Variants in UXS1 observed in about 807,000 individuals in gnomAD.
UXS1 encodes the protein UDP-glucuronate decarboxylase 1.
UXS1 carries 33 observed loss-of-function variants against 62.6 expected under a neutral mutation model. That is an observed-to-expected ratio of 0.53 (90% CI 0.40 to 0.70). UXS1 has a LOEUF of 0.70. UXS1 is among the 30% of genes least tolerant of loss of function. The pLI is 0.00. For missense variants in UXS1, 434 were observed against 556.3 expected (o/e 0.78, Z 2.21); for synonymous variants, 213 against 206.8 (o/e 1.03, Z -0.26).
chr2:106,119,705 GCC>G (rs1679366802), intron 9 of UXS1, among the ~76,000 whole-genome samples: 1 of 152,136 alleles, frequency 6.6e-6, no homozygotes, highest in South Asian at 2.1e-4. Flanking sequence ...CCAGTGATTT[GCC>G]CCAGATCAAG....
intron 10 of UXS1, among the ~76,000 whole-genome samples, chr2:106,109,175 T>C (rs1678368971): frequency 6.6e-6 from 1 of 152,070 alleles, no homozygotes; most frequent in Middle Eastern, 3.4e-3. Context: ...ATCCCAGTCT[T>C]TCCCCCCCGA....
At chr2:106,138,860 C>A (rs182485542) in intron 6 of UXS1, 4 of 985,310 alleles carry the variant, frequency 4.1e-6, no homozygotes, top group Non-Finnish European at 4.8e-6. Flanking sequence ...GTAACATTAA[C>A]AATAACTCCA....
intron 7 of UXS1, among the ~76,000 whole-genome samples, chr2:106,128,420 G>A (rs1410779958): frequency 6.6e-6 from 1 of 152,150 alleles, no homozygotes; most frequent in African/African-American, 2.4e-5. Flanking sequence ...ATGTCCGGGG[G>A]TATCTGTGAA....
intron 9 of UXS1, among the ~76,000 whole-genome samples, chr2:106,113,267 G>C (rs762049376): frequency 3.3e-5 from 5 of 152,170 alleles, no homozygotes; most frequent in African/African-American, 9.7e-5. Context: ...CGTTCTTACT[G>C]AGTGAGCTTG....
chr2:106,118,749 A>G (rs896674675), intron 9 of UXS1, among the ~76,000 whole-genome samples: 2 of 152,222 alleles, frequency 1.3e-5, no homozygotes, highest in African/African-American at 4.8e-5. Context: ...GAAACTCAGA[A>G]GAGAATCCTT....
intron 12 of UXS1, 125 bp from the exon 13 acceptor site, chr2:106,098,898 G>T: frequency 1.3e-6 from 1 of 787,160 alleles, no homozygotes; most frequent in Non-Finnish European, 2.1e-6. Flanking sequence ...TGCTTCAGCA[G>T]AGCTCCGTGT....
Position 106,136,924 on chromosome 2 carries a change from A to T in UXS1, c.473-7146T>A, listed in dbSNP as rs181292450. Reference sequence around the variant, plus strand: ...ACTTAAAGTATAATAATAATAATAAAAAAAGAAAAAAAAAAAGAATGGAGA... The same window carrying T: ...ACTTAAAGTATAATAATAATAATAATAAAAGAAAAAAAAAAAGAATGGAGA... On this transcript the variant is annotated intron_variant, in intron 6 of 14. Transcript: ENST00000283148. Among the ~76,000 whole-genome samples the T allele has an allele frequency of 1.3e-3, 183 of 145,920 alleles. 1 individual carries two copies. The highest frequency in any genetic ancestry group is 3.5e-3 in the African/African-American group (139 of 39,756).
chr2:106,129,439 A>G (rs546406572), intron 7 of UXS1, among the ~76,000 whole-genome samples: 1 of 152,324 alleles, frequency 6.6e-6, no homozygotes, highest in East Asian at 1.9e-4. Context: ...CTGCAGCCTG[A>G]TTACTACAAT....
At position 106,155,942 on chromosome 2, in the gene UXS1, T is replaced by C. The variant is rs1053669941; in HGVS notation, c.291+2116A>G. 5.3e-5 allele frequency among the ~76,000 whole-genome samples: 8 copies of C among 152,024 alleles called. 1 individual carries two copies. The highest frequency in any genetic ancestry group is 1.9e-4 in the African/African-American group (8 of 41,394). ...GGCCTAAATTTAAGAACAAAATCTA[T>C]AAAACTCTTAGGAAAAAAACATGGT... is the stretch of plus-strand genomic sequence containing the variant. On this transcript the variant is annotated intron_variant, in intron 5 of 14. Coordinates refer to ENST00000283148, the MANE Select transcript of UXS1 (RefSeq NM_001253875.2).
chr2:106,096,664 C>A lies in UXS1; in HGVS notation c.1146+54G>T. 5.4e-6 allele frequency: 8 copies of A among 1,484,066 alleles called. No homozygotes were observed. The South Asian group carries it at 9.4e-5, about 17-fold the overall frequency. 91.9% of individuals were successfully genotyped at this position (1,484,066 alleles called of 1,614,324 possible). On this transcript the variant is annotated intron_variant, in intron 14 of 14. Transcript: ENST00000283148. ...GGGTCAGTGCCTACAGGACAGCAGA[C>A]ACAGGACACGGGAGGCCCCTCCCCA...
At position 106,124,328 on chromosome 2, in the gene UXS1, G is replaced by A. The variant is rs1486478671; in HGVS notation, c.638-1237C>T. Reference sequence around the variant, plus strand: ...GCCCATCTGTCCCTGGACTGGCACCGTCTGGACTGAAATGCCCAGGATGCC... The same window carrying A: ...GCCCATCTGTCCCTGGACTGGCACCATCTGGACTGAAATGCCCAGGATGCC... On this transcript the variant is annotated intron_variant, in intron 8 of 14. Transcript: ENST00000283148. Among the ~76,000 whole-genome samples, 6 of 152,176 alleles carry A rather than the reference G, an allele frequency of 3.9e-5. No individual in the cohort carries two copies. In the South Asian group the frequency reaches 8.3e-4, roughly 21 times the overall value.
chr2:106,156,470 C>T (rs1322801175), intron 5 of UXS1, among the ~76,000 whole-genome samples: 1 of 152,194 alleles, frequency 6.6e-6, no homozygotes, highest in African/African-American at 2.4e-5. Flanking sequence ...CTCTGGCAAA[C>T]AGCAGTTCCT....
rs549872397 is a variant in UXS1 at position 106,115,334 on chromosome 2, C to A, written c.760-2569G>T. ...CCTCTGAAGGACCAAGAAGCAAACA[C>A]ATTCATGAACCCCTGACTCCCACAC... On this transcript the variant is annotated intron_variant, in intron 9 of 14. Transcript: ENST00000283148. Among the ~76,000 whole-genome samples, 85 of 152,348 alleles carry A rather than the reference C, an allele frequency of 5.6e-4. 1 individual carries two copies. Among genetic ancestry groups the A allele is most frequent in the Non-Finnish European group, 2.9e-5 (2 of 68,032 alleles).
At chr2:106,145,458 T>C in intron 5 of UXS1, 88 bp from the exon 6 acceptor site, 13 of 1,454,932 alleles carry the variant, frequency 8.9e-6, no homozygotes, top group Non-Finnish European at 1.2e-5. Context: ...ACATCTCTGG[T>C]GCAGCCACGA....
intron 13 of UXS1, among the ~76,000 whole-genome samples, chr2:106,098,498 T>A (rs576362947): frequency 9.8e-5 from 15 of 152,346 alleles, no homozygotes; most frequent in African/African-American, 2.9e-4. Context: ...TCCCACTTCA[T>A]GCAAACCTGC....
chr2:106,123,331 A>T (rs899144247), intron 8 of UXS1, among the ~76,000 whole-genome samples: 2 of 152,146 alleles, frequency 1.3e-5, no homozygotes, highest in African/African-American at 4.8e-5. Flanking sequence ...CAGGTCTCCC[A>T]ATTTTAAGTC....
At chr2:106,182,040 T>C (rs1042531710) in intron 1 of UXS1, among the ~76,000 whole-genome samples, 1 of 152,246 alleles carries the variant, frequency 6.6e-6, no homozygotes, top group Admixed American at 6.5e-5. Context: ...AGTAATATAT[T>C]TGATACTTGA....
At chr2:106,105,997 A>T (rs1339569553) in intron 10 of UXS1, among the ~76,000 whole-genome samples, 5 of 152,040 alleles carry the variant, frequency 3.3e-5, no homozygotes, top group Non-Finnish European at 7.4e-5. Flanking sequence ...AGCACCAGAC[A>T]CTCAGCCTGG....
At chr2:106,141,920 G>T (rs1352739861) in intron 6 of UXS1, among the ~76,000 whole-genome samples, 2 of 151,250 alleles carry the variant, frequency 1.3e-5, no homozygotes, top group Non-Finnish European at 2.9e-5. Flanking sequence ...ACCCAGGCTG[G>T]AGTGCAACGG....
Sources: allele counts gnomAD v4.1 joint callset (sites outside exome capture counted in the v4.1 genomes callset), GRCh38; gene constraint gnomAD v4.1.1; transcripts MANE v1.5; gene names NCBI Gene and HGNC (gene_info 2026-07-23, HGNC 2026-07-21).